MVP: variants seen among roughly 807,000 people sequenced by gnomAD.
The protein encoded by MVP is major vault protein.
Under a neutral mutation model 83.5 loss-of-function variants are expected in MVP, and 62 were observed. The observed-to-expected ratio is 0.74, with a 90% CI of 0.61 to 0.92. MVP has a LOEUF of 0.92. MVP is among the 40% of genes least tolerant of loss of function. MVP has a pLI of 0.00. For missense variants in MVP, 1,000 were observed against 1,203.4 expected (o/e 0.83, Z 2.50); for synonymous variants, 505 against 504.1 (o/e 1.00, Z -0.02).
At chr16:29,824,717 G>A (rs1486106463) in intron 1 of MVP, among the ~76,000 whole-genome samples, 1 of 152,118 alleles carries the variant, frequency 6.6e-6, no homozygotes, top group Non-Finnish European at 1.5e-5. Flanking sequence ...AGCCGAGATT[G>A]TGCCACTTCA....
At chr16:29,833,682 C>T (rs1433882733) in intron 3 of MVP, 51 bp from the exon 4 acceptor site, 3 of 1,610,122 alleles carry the variant, frequency 1.9e-6, no homozygotes, top group East Asian at 4.5e-5. Flanking sequence ...CAGGCTTGGC[C>T]CTGGGGTCAC....
Position 29,830,989 on chromosome 16 carries a change from G to A in MVP, c.237G>A (p.Gly79=). Residue 79 remains glycine (G), a synonymous_variant, in exon 3 of 15, where the codon GGG becomes GGA. Transcript: ENST00000357402. ...AQGLVLFDVT[G]QVRLRHADLE... ...GCTTGGTGCTGTTTGATGTCACAGG[G>A]CAAGTTCGGCTTCGCCACGCTGACC... is the stretch of plus-strand genomic sequence containing the variant. 2 of 1,613,922 alleles carry A rather than the reference G, an allele frequency of 1.2e-6. No homozygotes were observed.
chr16:29,840,694 C>T (rs2067527801), intron 8 of MVP, among the ~76,000 whole-genome samples: 1 of 152,156 alleles, frequency 6.6e-6, no homozygotes, highest in Non-Finnish European at 1.5e-5. Context: ...GTAATCTCAG[C>T]ACTTTGGGAG....
rs763028077 is a variant in MVP, at chr16:29,841,689, A to G, written c.1285A>G (p.Lys429Glu). The G allele has an allele frequency of 3.7e-6, 6 of 1,612,116 alleles. No homozygotes were observed. Among genetic ancestry groups the G allele is most frequent in the African/African-American group, 2.7e-5 (2 of 74,878 alleles). The change falls in exon 9 of 15, where the codon AAG becomes GAG. Residue 429 changes from lysine to glutamate, a missense_variant. Transcript: ENST00000357402. The surrounding 1 kb of genome is among the most constrained non-coding windows in gnomAD (Gnocchi z 4.7). ...LPPGVEELLN[K>E]GQDPLADRGE... ...TCCCGGGGTGGAGGAGCTGCTGAAC[A>G]AGGGGCAGGACCCTCTGGCAGACAG...
chr16:29,847,154 C>T, intron 13 of MVP, 43 bp from the exon 14 acceptor site: 2 of 1,597,474 alleles, frequency 1.3e-6, no homozygotes, highest in Non-Finnish European at 1.7e-6. Flanking sequence ...TGCATTCCAG[C>T]CTGGGTCAAA....
intron 3 of MVP, 183 bp from the exon 4 acceptor site, chr16:29,833,550 T>C: frequency 4.0e-6 from 2 of 495,912 alleles, no homozygotes; most frequent in South Asian, 4.5e-5. Context: ...GGTCAAGCAA[T>C]CCTCCTACCT....
intron 5 of MVP, 98 bp from the exon 6 acceptor site, chr16:29,835,606 A>G (rs912363275): frequency 8.2e-6 from 8 of 973,798 alleles, no homozygotes; most frequent in South Asian, 1.5e-5. Flanking sequence ...CTTTTTGCCT[A>G]TGAAATCTGT....
intron 11 of MVP, 54 bp downstream of exon 11, chr16:29,844,933 G>A (rs1041962604): frequency 6.5e-7 from 1 of 1,549,130 alleles, no homozygotes; most frequent in South Asian, 1.2e-5. Context: ...GGCCACTGCT[G>A]GGAACTGGAT....
At chr16:29,839,508 C>T (rs941509815) in intron 7 of MVP, among the ~76,000 whole-genome samples, 7 of 151,920 alleles carry the variant, frequency 4.6e-5, no homozygotes, top group African/African-American at 1.2e-4. Context: ...CGGTGCTGGG[C>T]GTGGTGGCTC....
At chr16:29,833,690 C>T (rs372597413) in intron 3 of MVP, 43 bp from the exon 4 acceptor site, 2 of 1,611,852 alleles carry the variant, frequency 1.2e-6, no homozygotes, top group Non-Finnish European at 8.5e-7. Context: ...GCCCTGGGGT[C>T]ACAGCACTGA....
intron 5 of MVP, 183 bp from the exon 6 acceptor site, chr16:29,835,521 T>TG (rs2067478707): frequency 3.4e-6 from 1 of 294,270 alleles, no homozygotes; most frequent in Non-Finnish European, 6.2e-6. Context: ...AAAATTCAAC[T>TG]GGGGTGGGGG....
At chr16:29,845,006 C>A in intron 11 of MVP, 127 bp downstream of exon 11, 1 of 1,286,802 alleles carries the variant, frequency 7.8e-7, no homozygotes, top group Non-Finnish European at 1.1e-6. Flanking sequence ...ATTCCCTACC[C>A]AACAGATCAG....
At chr16:29,825,181 C>T (rs2067396324) in intron 1 of MVP, among the ~76,000 whole-genome samples, 1 of 152,150 alleles carries the variant, frequency 6.6e-6, no homozygotes, top group Admixed American at 6.5e-5. Context: ...TTGCAGGAGC[C>T]TCATGACACC....
At chr16:29,821,935 C>T (rs1460995126) in intron 1 of MVP, among the ~76,000 whole-genome samples, 1 of 152,084 alleles carries the variant, frequency 6.6e-6, no homozygotes, top group Non-Finnish European at 1.5e-5. Context: ...GTTAAGAATT[C>T]CAGCCTAGGG....
chr16:29,841,341 C>T lies in MVP; in HGVS notation c.1192-255C>T, dbSNP rs552225447. Among the ~76,000 whole-genome samples the T allele has an allele frequency of 3.3e-5, 5 of 152,224 alleles. No homozygotes were observed. The highest frequency in any genetic ancestry group is 1.9e-4 in the East Asian group (1 of 5,180). On this transcript the variant is annotated intron_variant, in intron 8 of 14. Transcript: ENST00000357402. This position sits in a 1 kb window ranked among gnomAD's most constrained non-coding sequence, Gnocchi z 4.7. Reference sequence around the variant, plus strand: ...CTAGACATGTGAAGATGTCATTCACCCCTAGACCCTGCAAGGTAGCCACCG... The same window carrying T: ...CTAGACATGTGAAGATGTCATTCACTCCTAGACCCTGCAAGGTAGCCACCG...
rs112014410 is a variant in MVP, at chr16:29,840,237, G to A, written c.969G>A (p.Val323=). 1.6e-3 allele frequency: 2,627 copies of A among 1,614,042 alleles called. 18 individuals are homozygous for A. In the African/African-American group the frequency reaches 0.02, roughly 12 times the overall value. The change falls in exon 8 of 15, where the codon GTG becomes GTA. Residue 323 remains valine (V), a synonymous_variant. Transcript: ENST00000357402. ...AGCTGGAACAAGGCATCCAGGATGT[G>A]TATGTGCTGTCGGAGCAGCAGGGGC... ...GEQLEQGIQD[V]YVLSEQQGLL... is the part of the protein sequence containing the mutation.
At chr16:29,829,230 A>ATCCCAGCACTT (rs2067424211) in intron 1 of MVP, among the ~76,000 whole-genome samples, 3 of 151,670 alleles carry the variant, frequency 2.0e-5, no homozygotes, top group African/African-American at 4.8e-5. Context: ...CTCGCCTATA[A>ATCCCAGCACTT]TCCCAGCACT....
intron 6 of MVP, 123 bp from the exon 7 acceptor site, chr16:29,836,599 C>T: frequency 1.3e-6 from 1 of 776,884 alleles, no homozygotes; most frequent in East Asian, 2.6e-5. Context: ...AAAACAATCC[C>T]TGGATTGGTA....
At chr16:29,833,633 C>T (rs2067462063) in intron 3 of MVP, 100 bp from the exon 4 acceptor site, 3 of 1,520,252 alleles carry the variant, frequency 2.0e-6, no homozygotes, top group South Asian at 2.4e-5. Flanking sequence ...TATTTCAGGA[C>T]ATACAGAGAT....
Sources: gnomAD v4.1 joint callset for allele counts (sites outside exome capture counted in the v4.1 genomes callset) on GRCh38, gnomAD v4.1.1 for gene constraint, Gnocchi (gnomAD v3.1) non-coding constraint, MANE v1.5 for transcripts, NCBI Gene and HGNC (gene_info 2026-07-23, HGNC 2026-07-21) for gene names.